The following GRM8 variants were observed in gnomAD, a reference collection of about 807,000 sequenced individuals.
GRM8 encodes glutamate metabotropic receptor 8, also known as metabotropic glutamate receptor 8.
Under a neutral mutation model 87.2 loss-of-function variants are expected in GRM8, and 47 were observed. The observed-to-expected ratio is 0.54, with a 90% CI of 0.43 to 0.69. GRM8 has a LOEUF of 0.69. Ranked by LOEUF, GRM8 falls within the 30% of genes least tolerant of loss-of-function variation. The pLI, the probability that GRM8 is intolerant of heterozygous loss-of-function variation, is 0.00. For missense variants in GRM8, 1,019 were observed against 1,139.2 expected, an observed-to-expected ratio of 0.89 and a Z score of 1.52; for synonymous variants, 396 against 404.5, an observed-to-expected ratio of 0.98 and a Z score of 0.25.
intron 8 of GRM8, among the ~76,000 whole-genome samples, chr7:126,568,254 C>T (rs1167383869): frequency 2.6e-5 from 4 of 152,106 alleles, no homozygotes; most frequent in Non-Finnish European, 5.9e-5. Flanking sequence ...ATTCAATATT[C>T]TGTTTAAAGT....
intron 2 of GRM8, among the ~76,000 whole-genome samples, chr7:127,165,192 A>ATATATATT (rs1793378270): frequency 1.6e-5 from 2 of 122,764 alleles, no homozygotes; most frequent in African/African-American, 2.9e-5. Flanking sequence ...ATATATATAT[A>ATATATATT]TTCAGGTTTC....
chr7:126,655,597 T>C (rs1804434367), intron 7 of GRM8, among the ~76,000 whole-genome samples: 1 of 152,176 alleles, frequency 6.6e-6, no homozygotes, highest in Admixed American at 6.5e-5. Context: ...TCTTAAACCA[T>C]GCTTATCTCT....
chr7:126,587,667 G>A (rs191093741), intron 8 of GRM8, among the ~76,000 whole-genome samples: 7 of 146,536 alleles, frequency 4.8e-5, no homozygotes, highest in South Asian at 2.2e-4. Context: ...ATGACACACC[G>A]GGCCTGTCAT....
At chr7:127,072,177 C>T (rs1821760027) in intron 3 of GRM8, among the ~76,000 whole-genome samples, 1 of 152,160 alleles carries the variant, frequency 6.6e-6, no homozygotes, top group Non-Finnish European at 1.5e-5. Context: ...AAACATCACC[C>T]TGTACACCCA....
At chr7:126,731,362 AG>A (rs1265519557) in intron 7 of GRM8, among the ~76,000 whole-genome samples, 4 of 152,152 alleles carry the variant, frequency 2.6e-5, no homozygotes, top group African/African-American at 9.6e-5. Context: ...GAATCATGCC[AG>A]AAATTTGAAG....
chr7:127,126,038 T>G (rs1827352359), intron 2 of GRM8, among the ~76,000 whole-genome samples: 1 of 151,952 alleles, frequency 6.6e-6, no homozygotes, highest in Admixed American at 6.6e-5. Context: ...AAATGTAAAT[T>G]TTTACAATCT....
chr7:127,193,834 T>A (rs1310153435), intron 2 of GRM8, among the ~76,000 whole-genome samples: 1 of 152,184 alleles, frequency 6.6e-6, no homozygotes, highest in Non-Finnish European at 1.5e-5. Flanking sequence ...GTATCTGTTT[T>A]CAGGAAACAT....
At chr7:126,538,114 A>G (rs1816059872) in intron 8 of GRM8, among the ~76,000 whole-genome samples, 1 of 152,204 alleles carries the variant, frequency 6.6e-6, no homozygotes, top group Non-Finnish European at 1.5e-5. Context: ...TGATTTATTC[A>G]ATAGGTTTCA....
At chr7:126,937,798 T>C (rs994723735) in intron 3 of GRM8, among the ~76,000 whole-genome samples, 1 of 152,186 alleles carries the variant, frequency 6.6e-6, no homozygotes, top group Non-Finnish European at 1.5e-5. Context: ...TGGAGGCACA[T>C]CCACCCTGAT....
chr7:127,225,619 T>C (rs1341267374), intron 2 of GRM8, among the ~76,000 whole-genome samples: 1 of 150,954 alleles, frequency 6.6e-6, no homozygotes, highest in Non-Finnish European at 1.5e-5. Flanking sequence ...TCAGTCAGCG[T>C]TGGTAAACTC....
intron 2 of GRM8, among the ~76,000 whole-genome samples, chr7:127,197,412 A>G (rs989075487): frequency 2.9e-4 from 44 of 152,294 alleles, no homozygotes; most frequent in African/African-American, 1.0e-3. Flanking sequence ...AGGAGTTGCT[A>G]AGTTACTATC....
chr7:126,602,716 A>G (rs1224998376), intron 8 of GRM8, among the ~76,000 whole-genome samples: 2 of 151,784 alleles, frequency 1.3e-5, no homozygotes, highest in African/African-American at 2.4e-5. Context: ...GAGTTCACTC[A>G]TGATTTGGCT....
At chr7:126,827,031 T>C (rs1376202045) in intron 6 of GRM8, among the ~76,000 whole-genome samples, 3 of 152,198 alleles carry the variant, frequency 2.0e-5, no homozygotes, top group Non-Finnish European at 4.4e-5. Flanking sequence ...GTTGTAGATA[T>C]GTGGCATTAT....
chr7:126,444,680 T>C (rs1206040399), intron 10 of GRM8, among the ~76,000 whole-genome samples: 1 of 152,068 alleles, frequency 6.6e-6, no homozygotes, highest in African/African-American at 2.4e-5. Context: ...GAAATCTTGA[T>C]AGAAAAGAAG....
chr7:127,090,368 A>T (rs1823938388), intron 3 of GRM8, among the ~76,000 whole-genome samples: 1 of 152,168 alleles, frequency 6.6e-6, no homozygotes. Context: ...TGGAGTCATG[A>T]CTCAATAGCA....
chr7:126,439,021 G>A lies in GRM8; in HGVS notation c.*98C>T. The A allele has an allele frequency of 3.9e-6, 3 of 774,666 alleles. No individual in the cohort carries two copies. Among genetic ancestry groups the A allele is most frequent in the Admixed American group, 1.8e-5 (1 of 56,544 alleles). 48.0% of individuals were successfully genotyped at this position (774,666 alleles called of 1,614,324 possible). Reference sequence around the variant, plus strand: ...AGACTGACTATTGATTTGATTGATTGTAGTCTACGGAGATCTCCAGGAGTG... The same window carrying A: ...AGACTGACTATTGATTTGATTGATTATAGTCTACGGAGATCTCCAGGAGTG... On this transcript the variant is annotated 3_prime_UTR_variant, in exon 11 of 11. Coordinates refer to ENST00000339582, the MANE Select transcript of GRM8 (RefSeq NM_000845.3).
intron 6 of GRM8, among the ~76,000 whole-genome samples, chr7:126,819,219 T>C (rs899171717): frequency 4.0e-5 from 6 of 150,934 alleles, no homozygotes; most frequent in African/African-American, 1.5e-4. Context: ...GTTTATCATA[T>C]TATCGTCCCC....
intron 6 of GRM8, among the ~76,000 whole-genome samples, chr7:126,810,550 C>T (rs1468409652): frequency 6.6e-6 from 1 of 152,140 alleles, no homozygotes; most frequent in Non-Finnish European, 1.5e-5. Context: ...TGGTTCCTTA[C>T]ACAGTACAGA....
chr7:126,767,209 C>T (rs998342961), intron 7 of GRM8, among the ~76,000 whole-genome samples: 3 of 152,028 alleles, frequency 2.0e-5, no homozygotes, highest in Admixed American at 1.3e-4. Flanking sequence ...GGTACATCCC[C>T]GTATCATCAG....
Sources: allele counts gnomAD v4.1 joint callset (sites outside exome capture counted in the v4.1 genomes callset), GRCh38; gene constraint gnomAD v4.1.1; transcripts MANE v1.5; gene names NCBI Gene and HGNC (gene_info 2026-07-23, HGNC 2026-07-21).